The following CSMD1 variants were observed in gnomAD, a reference collection of about 807,000 sequenced individuals.
The protein encoded by CSMD1 is CUB and sushi domain-containing protein 1.
CSMD1 carries 213 observed loss-of-function variants against 417.5 expected under a neutral mutation model. That is an observed-to-expected ratio of 0.51 (90% confidence interval 0.46 to 0.57). The LOEUF (loss-of-function observed/expected upper bound fraction) is 0.57. CSMD1 is among the 20% of genes least tolerant of loss of function. CSMD1 has a pLI of 0.00. For missense variants in CSMD1, 6,923 were observed against 4,529.7 expected (o/e 1.53, Z -15.17); for synonymous variants, 2,862 against 1,736.8 (o/e 1.65, Z -16.11).
chr8:3,323,756 C>G (rs1426320388), intron 23 of CSMD1, among the ~76,000 whole-genome samples: 1 of 137,216 alleles, frequency 7.3e-6, no homozygotes, highest in Non-Finnish European at 1.6e-5. Context: ...CTTCACCCCA[C>G]CTTTCATCAT....
intron 3 of CSMD1, among the ~76,000 whole-genome samples, chr8:4,373,809 A>C (rs1802546994): frequency 6.6e-6 from 1 of 152,164 alleles, no homozygotes; most frequent in Admixed American, 6.5e-5. Flanking sequence ...ATAGTCGTCA[A>C]AGCCTGGAAG....
intron 1 of CSMD1, among the ~76,000 whole-genome samples, chr8:4,725,275 A>G (rs1201909316): frequency 1.3e-5 from 2 of 152,182 alleles, no homozygotes; most frequent in Admixed American, 1.3e-4. Flanking sequence ...TACATGAATG[A>G]CCAAGATCTG....
intron 5 of CSMD1, among the ~76,000 whole-genome samples, chr8:3,985,422 T>A (rs1214233771): frequency 6.6e-6 from 1 of 152,096 alleles, no homozygotes; most frequent in African/African-American, 2.4e-5. Flanking sequence ...TAGTCTTATG[T>A]GCACACACAC....
At chr8:3,446,874 A>C (rs777539501) in intron 12 of CSMD1, among the ~76,000 whole-genome samples, 1 of 152,162 alleles carries the variant, frequency 6.6e-6, no homozygotes, top group Non-Finnish European at 1.5e-5. Flanking sequence ...TCTTTTTCTA[A>C]CTTTAAGAAC....
intron 69 of CSMD1, 126 bp downstream of exon 69, chr8:2,942,346 A>C (rs1801934383): frequency 1.1e-6 from 1 of 911,132 alleles, no homozygotes; most frequent in Admixed American, 3.1e-5. Context: ...TTGATTTAAA[A>C]AAAAAAAAAG....
In CSMD1 at chr8:4,774,105, G is replaced by C. The variant is rs370983718; in HGVS notation, c.86-136547C>G. Among the ~76,000 whole-genome samples, 55 of 152,276 alleles carry C rather than the reference G, an allele frequency of 3.6e-4. 1 individual carries two copies. The highest frequency in any genetic ancestry group is 2.5e-3 in the East Asian group (13 of 5,160). On this transcript the variant is annotated intron_variant, in intron 1 of 69. Transcript: ENST00000635120. ...CCAGCTACTCAGGAGGCTGAGGCAG[G>C]AGAGGGTTCACTTGAACCCAGGAGG... is the stretch of plus-strand genomic sequence containing the variant.
intron 3 of CSMD1, among the ~76,000 whole-genome samples, chr8:4,239,770 T>C (rs1802282270): frequency 6.6e-6 from 1 of 152,196 alleles, no homozygotes; most frequent in African/African-American, 2.4e-5. Context: ...CAATGGTCTA[T>C]CTTTCACGTT....
intron 3 of CSMD1, among the ~76,000 whole-genome samples, chr8:4,146,648 G>A (rs1043900444): frequency 6.6e-5 from 7 of 106,022 alleles, no homozygotes; most frequent in African/African-American, 1.5e-4. Flanking sequence ...GTCTCGATCC[G>A]TCCCCCAGGC....
intron 7 of CSMD1, among the ~76,000 whole-genome samples, chr8:3,674,735 G>T (rs969632431): frequency 6.6e-6 from 1 of 152,076 alleles, no homozygotes; most frequent in Non-Finnish European, 1.5e-5. Flanking sequence ...CCAAGTCCCT[G>T]CCCTTCATCC....
intron 3 of CSMD1, among the ~76,000 whole-genome samples, chr8:4,322,964 G>A (rs1345858521): frequency 6.6e-6 from 1 of 152,222 alleles, no homozygotes; most frequent in African/African-American, 2.4e-5. Flanking sequence ...CAGCCTGGGT[G>A]ACAGAGCGAG....
intron 5 of CSMD1, among the ~76,000 whole-genome samples, chr8:3,942,086 C>T (rs1034784020): frequency 5.9e-5 from 9 of 151,786 alleles, no homozygotes; most frequent in Non-Finnish European, 1.2e-4. Flanking sequence ...GTTTCGAGCT[C>T]CTTGTGAGAA....
At chr8:3,328,880 T>G (rs748338377) in intron 23 of CSMD1, among the ~76,000 whole-genome samples, 1 of 152,196 alleles carries the variant, frequency 6.6e-6, no homozygotes, top group Non-Finnish European at 1.5e-5. Context: ...TGAAGAGTCT[T>G]AAGGTCATTA....
At chr8:4,028,370 C>T (rs1203223508) in intron 4 of CSMD1, among the ~76,000 whole-genome samples, 2 of 152,032 alleles carry the variant, frequency 1.3e-5, no homozygotes, top group South Asian at 4.1e-4. Flanking sequence ...TAAAGTAGTG[C>T]CTGGCTTACA....
Position 4,861,797 on chromosome 8 carries a change from C to G in CSMD1, c.85+132535G>C, listed in dbSNP as rs367790554. Among the ~76,000 whole-genome samples the G allele has an allele frequency of 4.0e-5, 6 of 151,862 alleles. No individual in the cohort carries two copies. In the East Asian group the frequency reaches 7.7e-4, roughly 20 times the overall value. Reference sequence around the variant, plus strand: ...ATATAAAGCTCTAAATAACTTTTTGCTCAAAATTTATTAAAGAATTATGTA... The same window carrying G: ...ATATAAAGCTCTAAATAACTTTTTGGTCAAAATTTATTAAAGAATTATGTA... On this transcript the variant is annotated intron_variant, in intron 1 of 69. Coordinates refer to ENST00000635120, the MANE Select transcript of CSMD1 (RefSeq NM_033225.6).
At chr8:4,012,994 C>G (rs774203107) in intron 4 of CSMD1, among the ~76,000 whole-genome samples, 5 of 152,152 alleles carry the variant, frequency 3.3e-5, no homozygotes, top group Non-Finnish European at 7.3e-5. Context: ...AACAACACCT[C>G]TCATTTTCAT....
At chr8:4,398,419 G>T (rs1424708289) in intron 3 of CSMD1, among the ~76,000 whole-genome samples, 42 of 111,536 alleles carry the variant, frequency 3.8e-4, no homozygotes, top group Non-Finnish European at 6.9e-5. Context: ...GTGAGATAGA[G>T]TCTCACTCTG....
At chr8:4,168,469 G>C (rs1269013629) in intron 3 of CSMD1, among the ~76,000 whole-genome samples, 2 of 151,652 alleles carry the variant, frequency 1.3e-5, no homozygotes, top group African/African-American at 4.9e-5. Context: ...TTTAGAAAAG[G>C]GATGTGGTAA....
intron 1 of CSMD1, among the ~76,000 whole-genome samples, chr8:4,874,742 TTA>T (rs1460099383): frequency 2.6e-5 from 4 of 151,468 alleles, no homozygotes; most frequent in Non-Finnish European, 4.4e-5. Flanking sequence ...ACACCTTAAG[TTA>T]TATAGATGGA....
rs1015419308 is a variant in CSMD1, at chr8:3,106,428, A to G, written c.6949+100T>C. 9.0e-5 allele frequency: 59 copies of G among 658,774 alleles called. No homozygotes were observed. In the African/African-American group the frequency reaches 9.2e-4, roughly 10 times the overall value. The allele number at this position is 658,774 out of a possible 1,614,324, so 40.8% of individuals were successfully genotyped here. On this transcript the variant is annotated intron_variant, in intron 46 of 69. Coordinates refer to ENST00000635120, the MANE Select transcript of CSMD1 (RefSeq NM_033225.6). ...TAAATAAATAAATAATAAACAAATAAATAAGTTCACATCTATACAAAGAAA... is the reference window on the plus strand; with the variant it reads ...TAAATAAATAAATAATAAACAAATAGATAAGTTCACATCTATACAAAGAAA...
Sources: gnomAD v4.1 joint callset for allele counts (sites outside exome capture counted in the v4.1 genomes callset) on GRCh38, gnomAD v4.1.1 for gene constraint, MANE v1.5 for transcripts, NCBI Gene and HGNC (gene_info 2026-07-23, HGNC 2026-07-21) for gene names.